The following ABI2 variants were observed in gnomAD, a reference collection of about 807,000 sequenced individuals.
The protein encoded by ABI2 is abelson interactor 2.
In ABI2, 25 loss-of-function variants were observed where a neutral mutation model predicts 59.2. The observed-to-expected ratio is 0.42, with a 90% confidence interval of 0.31 to 0.59. The LOEUF (loss-of-function observed/expected upper bound fraction) is 0.59, where lower values mean the gene tolerates loss of function less well. ABI2 is among the 20% of genes least tolerant of loss of function. The pLI is 0.14. For synonymous variants in ABI2, 213 were observed against 235.5 expected (o/e 0.90, Z 0.87); for missense variants, 545 against 681.8 (o/e 0.80, Z 2.23).
chr2:203,371,990 G>A (rs1028342628), intron 2 of ABI2, among the ~76,000 whole-genome samples: 17 of 151,596 alleles, frequency 1.1e-4, no homozygotes, highest in African/African-American at 3.9e-4. Flanking sequence ...GGAGTTGGCA[G>A]GGTCATAGGA....
At chr2:203,366,296 G>T (rs1239172143) in intron 1 of ABI2, among the ~76,000 whole-genome samples, 1 of 152,022 alleles carries the variant, frequency 6.6e-6, no homozygotes, top group African/African-American at 2.4e-5. Flanking sequence ...ATCTTTTAGG[G>T]TTATAACACT....
At chr2:203,364,008 C>A (rs1261366316) in intron 1 of ABI2, among the ~76,000 whole-genome samples, 1 of 151,848 alleles carries the variant, frequency 6.6e-6, no homozygotes, top group East Asian at 1.9e-4. Flanking sequence ...AGGTGATCTG[C>A]CCACCTTGGC....
chr2:203,390,325 T>C (rs1177920594), intron 4 of ABI2, among the ~76,000 whole-genome samples: 1 of 152,240 alleles, frequency 6.6e-6, no homozygotes, highest in African/African-American at 2.4e-5. Context: ...GCTTATGATA[T>C]GCTTACTATC....
At chr2:203,341,989 TATAAC>T (rs2152519338) in intron 1 of ABI2, among the ~76,000 whole-genome samples, 1 of 152,312 alleles carries the variant, frequency 6.6e-6, no homozygotes, top group African/African-American at 2.4e-5. Context: ...ATATTCCTAT[TATAAC>T]ATATTAGATG....
chr2:203,392,062 A>G (rs979483841), intron 5 of ABI2, among the ~76,000 whole-genome samples: 4 of 152,140 alleles, frequency 2.6e-5, no homozygotes, highest in African/African-American at 9.7e-5. Context: ...TAATTCCTAC[A>G]TAGTCAGCTG....
chr2:203,377,615 C>G (rs2095798251), intron 2 of ABI2, among the ~76,000 whole-genome samples: 1 of 152,112 alleles, frequency 6.6e-6, no homozygotes, highest in Non-Finnish European at 1.5e-5. Flanking sequence ...ACTCACTAAA[C>G]TTTATTCAAG....
chr2:203,412,928 C>T (rs769918101), intron 10 of ABI2, among the ~76,000 whole-genome samples: 1 of 152,206 alleles, frequency 6.6e-6, no homozygotes, highest in Non-Finnish European at 1.5e-5. Flanking sequence ...TCTACATACT[C>T]CATACAAGGT....
At chr2:203,338,971 TATATATATATAA>T (rs1422822533) in intron 1 of ABI2, among the ~76,000 whole-genome samples, 623 of 9,886 alleles carry the variant, frequency 0.063, 49 homozygotes, top group East Asian at 0.084. Context: ...TAAATATATA[TATATATATATAA>T]ATATATATAT....
At chr2:203,337,437 G>A (rs1351679055) in intron 1 of ABI2, among the ~76,000 whole-genome samples, 1 of 152,164 alleles carries the variant, frequency 6.6e-6, no homozygotes, top group African/African-American at 2.4e-5. Flanking sequence ...TAATCAAGGA[G>A]GTGAAAGGTC....
chr2:203,380,190 T>G lies in ABI2; in HGVS notation c.286-18T>G. 1 of 1,504,044 alleles carries G rather than the reference T, an allele frequency of 6.6e-7. No homozygotes were observed. The highest frequency in any genetic ancestry group is 8.9e-7 in the Non-Finnish European group (1 of 1,117,356). The allele number at this position is 1,504,044 out of a possible 1,614,324, so 93.2% of individuals were successfully genotyped here. On this transcript the variant is annotated intron_variant, in intron 2 of 11. Transcript: ENST00000261018. ...GAACTATACATTTTTGTGTTGTTTT[T>G]TACATTATATTTTGCAGACAGTTGA...
At position 203,394,768 on chromosome 2, in the gene ABI2, G is replaced by C. The variant is rs1194190336; in HGVS notation, c.647G>C (p.Ser216Thr). 6.2e-7 allele frequency: 1 copy of C among 1,614,086 alleles called. No homozygotes were observed. Among genetic ancestry groups the C allele is most frequent in the African/African-American group, 1.3e-5 (1 of 75,006 alleles). Residue 216 changes from serine (S) to threonine (T), a missense_variant, in exon 6 of 12, where the codon AGC becomes ACC. Ser to Thr is a moderately conservative substitution (Grantham distance 58). This residue lies in a region of ABI2 where 410 missense variants were observed against 435.6 expected (regional missense o/e 0.94). Transcript: ENST00000261018. ...GTGGTACCAAATGATTACGTACCTA[G>C]CCCAACCCGTAATATGGCTCCCTCG... ...PPVVPNDYVP[S>T]PTRNMAPSQQ...
chr2:203,419,018 A>G (rs1224349788), intron 11 of ABI2, among the ~76,000 whole-genome samples: 1 of 152,194 alleles, frequency 6.6e-6, no homozygotes, highest in African/African-American at 2.4e-5. Flanking sequence ...GTTAAGTCAG[A>G]GAATTGAGCA....
At chr2:203,389,982 A>G (rs933476439) in intron 4 of ABI2, among the ~76,000 whole-genome samples, 1 of 152,166 alleles carries the variant, frequency 6.6e-6, no homozygotes, top group Non-Finnish European at 1.5e-5. Context: ...CATCTTTCTC[A>G]TGCCTGAATT....
intron 10 of ABI2, 127 bp from the exon 11 acceptor site, chr2:203,416,781 A>AT (rs2097911188): frequency 3.9e-6 from 4 of 1,016,748 alleles, no homozygotes; most frequent in Non-Finnish European, 5.5e-6. Context: ...TTGCTCATTG[A>AT]TTTTTTGAAG....
chr2:203,345,644 G>C (rs2082926599), intron 1 of ABI2, among the ~76,000 whole-genome samples: 1 of 151,750 alleles, frequency 6.6e-6, no homozygotes, highest in Non-Finnish European at 1.5e-5. Context: ...CCTGACTTCA[G>C]GTGATCCACC....
intron 5 of ABI2, chr2:203,394,439 C>A: frequency 2.4e-6 from 1 of 414,892 alleles, no homozygotes. Flanking sequence ...GGTAGAGAAC[C>A]TTTGTGCTCT....
At chr2:203,363,762 C>CTT (rs1174832517) in intron 1 of ABI2, among the ~76,000 whole-genome samples, 1 of 151,528 alleles carries the variant, frequency 6.6e-6, no homozygotes, top group Non-Finnish European at 1.5e-5. Flanking sequence ...ACCATATTTT[C>CTT]TTTTCTTTTC....
intron 2 of ABI2, among the ~76,000 whole-genome samples, chr2:203,369,328 C>T (rs1028963183): frequency 4.6e-5 from 7 of 151,908 alleles, no homozygotes; most frequent in African/African-American, 1.7e-4. Flanking sequence ...AAAGGAGGAA[C>T]AAGTTTTACT....
Position 203,331,819 on chromosome 2 carries a change from T to C in ABI2, c.117+3188T>C, listed in dbSNP as rs1320803762. Among the ~76,000 whole-genome samples, 9 of 151,046 alleles carry C rather than the reference T, an allele frequency of 6.0e-5. No individual in the cohort carries two copies. The East Asian group carries it at 1.8e-3, about 30-fold the overall frequency. On this transcript the variant is annotated intron_variant, in intron 1 of 11. Transcript: ENST00000261018. ...TTTTGCTCAGTGTTCTTTTTTTTTT[T>C]TTTTTTTTGACACAGAGTTTCACTC...
Sources: gnomAD v4.1 joint callset for allele counts (sites outside exome capture counted in the v4.1 genomes callset) on GRCh38, gnomAD v4.1.1 for gene constraint, gnomAD v4.1.1 regional missense constraint, MANE v1.5 for transcripts, NCBI Gene and HGNC (gene_info 2026-07-23, HGNC 2026-07-21) for gene names.